Variants in PTPRD observed in about 807,000 individuals in gnomAD.
The protein encoded by PTPRD is receptor-type tyrosine-protein phosphatase delta.
Under a neutral mutation model 214.5 loss-of-function variants are expected in PTPRD, and 34 were observed. The observed-to-expected ratio is 0.16, with a 90% CI of 0.12 to 0.21. The LOEUF (loss-of-function observed/expected upper bound fraction) is 0.21. Ranked by LOEUF, PTPRD falls within the 10% of genes least tolerant of loss-of-function variation. The pLI, the probability that PTPRD is intolerant of heterozygous loss-of-function variation, is 1.00. For synonymous variants in PTPRD, 1,128 were observed against 845.7 expected, an observed-to-expected ratio of 1.33 and a Z score of -5.79; for missense variants, 2,545 against 2,398.7, an observed-to-expected ratio of 1.06 and a Z score of -1.27.
At chr9:9,784,773 G>GTA (rs1385369239) in intron 5 of PTPRD, among the ~76,000 whole-genome samples, 1 of 149,502 alleles carries the variant, frequency 6.7e-6, no homozygotes, top group Non-Finnish European at 1.5e-5. Flanking sequence ...ATGTGTGTGT[G>GTA]TATATATAGA....
At chr9:9,607,745 T>TAA (rs61080071) in intron 7 of PTPRD, among the ~76,000 whole-genome samples, 8,380 of 140,680 alleles carry the variant, frequency 0.06, 626 homozygotes, top group African/African-American at 0.18. Flanking sequence ...AGACTGTTAG[T>TAA]AAAAAAAAAA....
chr9:8,985,878 T>C (rs1300951680), intron 11 of PTPRD, among the ~76,000 whole-genome samples: 1 of 152,108 alleles, frequency 6.6e-6, no homozygotes, highest in East Asian at 1.9e-4. Flanking sequence ...CAAACTCTCA[T>C]GAAAATATCC....
chr9:9,137,894 C>T (rs753336722), intron 10 of PTPRD, among the ~76,000 whole-genome samples: 12 of 152,168 alleles, frequency 7.9e-5, no homozygotes, highest in Non-Finnish European at 1.3e-4. Context: ...TTCCATTTCC[C>T]GACCATTGTT....
At chr9:8,467,448 T>C (rs1405986354) in intron 31 of PTPRD, among the ~76,000 whole-genome samples, 2 of 151,920 alleles carry the variant, frequency 1.3e-5, no homozygotes, top group African/African-American at 4.8e-5. Flanking sequence ...AAACATGCAT[T>C]AGCTCCAATT....
intron 9 of PTPRD, among the ~76,000 whole-genome samples, chr9:9,250,619 C>T (rs546881374): frequency 1.2e-3 from 179 of 152,150 alleles, no homozygotes; most frequent in African/African-American, 3.8e-3. Flanking sequence ...ATGCACTAAA[C>T]TGATAAAATG....
intron 7 of PTPRD, among the ~76,000 whole-genome samples, chr9:9,604,384 T>C (rs898188986): frequency 2.0e-5 from 3 of 152,108 alleles, no homozygotes; most frequent in Non-Finnish European, 4.4e-5. Context: ...GAGGGAAATA[T>C]TTGGCCTTTG....
At chr9:10,170,728 G>C (rs1350691187) in intron 3 of PTPRD, among the ~76,000 whole-genome samples, 3 of 152,162 alleles carry the variant, frequency 2.0e-5, no homozygotes, top group Non-Finnish European at 4.4e-5. Context: ...AATACAGTTA[G>C]TCACAACCTG....
At chr9:9,965,364 C>T (rs140110454) in intron 4 of PTPRD, among the ~76,000 whole-genome samples, 4 of 151,982 alleles carry the variant, frequency 2.6e-5, no homozygotes, top group Non-Finnish European at 4.4e-5. Flanking sequence ...GCTTTCAAAA[C>T]GGAGGAGACT....
intron 14 of PTPRD, among the ~76,000 whole-genome samples, chr9:8,606,383 T>C (rs551254150): frequency 3.9e-5 from 6 of 152,266 alleles, no homozygotes; most frequent in African/African-American, 1.2e-4. Flanking sequence ...GGAAAATCAA[T>C]TACCTGTGAA....
intron 5 of PTPRD, among the ~76,000 whole-genome samples, chr9:9,917,070 A>G (rs1224792654): frequency 6.6e-6 from 1 of 150,880 alleles, no homozygotes; most frequent in African/African-American, 2.4e-5. Flanking sequence ...TAGTATTAAG[A>G]GGCAAGTATA....
intron 12 of PTPRD, among the ~76,000 whole-genome samples, chr9:8,637,087 G>A (rs1564883900): frequency 1.3e-5 from 2 of 152,094 alleles, no homozygotes. Context: ...TCTGTATTAA[G>A]GTAGAGATCC....
At chr9:9,566,432 C>T (rs1184627197) in intron 8 of PTPRD, among the ~76,000 whole-genome samples, 1 of 152,044 alleles carries the variant, frequency 6.6e-6, no homozygotes. Context: ...CAGATTATTT[C>T]TCTCTGTACG....
intron 2 of PTPRD, among the ~76,000 whole-genome samples, chr9:10,472,588 G>C (rs373022984): frequency 6.6e-4 from 101 of 152,174 alleles, no homozygotes; most frequent in African/African-American, 2.4e-3. Flanking sequence ...GAGCTCTTGA[G>C]CATCTTCACA....
chr9:8,524,977 G>T lies in PTPRD; in HGVS notation c.627C>A (p.Ala209=), dbSNP rs1415355437. 1 of 1,613,488 alleles carries T rather than the reference G, an allele frequency of 6.2e-7. No homozygotes were observed. Among genetic ancestry groups the T allele is most frequent in the Admixed American group, 1.7e-5 (1 of 59,964 alleles). The change falls in exon 18 of 46, where the codon GCC becomes GCA. Residue 209 remains alanine, a synonymous_variant. Coordinates refer to ENST00000381196, the MANE Select transcript of PTPRD (RefSeq NM_002839.4). ...ESDQGKYECV[A]TNSAGTRYSA... is the part of the protein sequence containing the mutation. ...AATAGCGAGTGCCCGCGCTGTTGGT[G>T]GCAACACACTCATATTTTCCTTGGT...
At chr9:10,092,277 C>T (rs983535459) in intron 3 of PTPRD, among the ~76,000 whole-genome samples, 1 of 151,372 alleles carries the variant, frequency 6.6e-6, no homozygotes, top group Non-Finnish European at 1.5e-5. Context: ...TGCAGATATG[C>T]TTCTGTTATT....
At chr9:9,871,908 C>G (rs144964929) in intron 5 of PTPRD, among the ~76,000 whole-genome samples, 21 of 152,204 alleles carry the variant, frequency 1.4e-4, no homozygotes, top group African/African-American at 3.9e-4. Flanking sequence ...ATCATAATAA[C>G]AAAAACTAAG....
At chr9:10,327,713 C>G (rs576752551) in intron 3 of PTPRD, among the ~76,000 whole-genome samples, 18 of 151,784 alleles carry the variant, frequency 1.2e-4, no homozygotes, top group African/African-American at 4.1e-4. Flanking sequence ...TTTTTTTCCA[C>G]TTTCCAAACC....
chr9:8,495,209 A>C (rs1303629602), intron 26 of PTPRD, among the ~76,000 whole-genome samples: 1 of 152,158 alleles, frequency 6.6e-6, no homozygotes, highest in Non-Finnish European at 1.5e-5. Flanking sequence ...AATGAACTAA[A>C]ACTTAAAAAT....
rs375285393 is a variant in PTPRD, at chr9:8,528,585, C to T, written c.541+6G>A. On this transcript the variant is annotated splice_donor_region_variant and intron_variant, in intron 15 of 45. Coordinates refer to ENST00000381196, the MANE Select transcript of PTPRD (RefSeq NM_002839.4). ...GGAGTTAGTAGAAACAGTAACAAGA[C>T]CCTACCTGATCGTAACTGCTTAATA... is the stretch of plus-strand genomic sequence containing the variant. The T allele has an allele frequency of 1.9e-6, 3 of 1,612,730 alleles. No individual in the cohort carries two copies. Among genetic ancestry groups the T allele is most frequent in the East Asian group, 2.2e-5 (1 of 44,830 alleles).
Sources: gnomAD v4.1 joint callset for allele counts (sites outside exome capture counted in the v4.1 genomes callset) on GRCh38, gnomAD v4.1.1 for gene constraint, MANE v1.5 for transcripts, NCBI Gene and HGNC (gene_info 2026-07-23, HGNC 2026-07-21) for gene names.